RIT2: variants seen among roughly 807,000 people sequenced by gnomAD.
The protein encoded by RIT2 is GTP-binding protein Rit2.
In RIT2, 24 loss-of-function variants were observed where a neutral mutation model predicts 23.7. The observed-to-expected ratio is 1.01, with a 90% CI of 0.73 to 1.43. The LOEUF is 1.43. Ranked by LOEUF, RIT2 falls within the 40% of genes most tolerant of loss-of-function variation. RIT2 has a pLI of 0.00. For missense variants in RIT2, 236 were observed against 266.9 expected (o/e 0.88, Z 0.81); for synonymous variants, 107 against 91.1 (o/e 1.17, Z -0.99).
intron 4 of RIT2, among the ~76,000 whole-genome samples, chr18:42,837,153 CTTTT>C (rs570701535): frequency 2.3e-4 from 12 of 51,702 alleles, no homozygotes; most frequent in Admixed American, 7.3e-4. Context: ...TTTTCTTTTT[CTTTT>C]TTTTTTTTTT....
At position 42,774,471 on chromosome 18, in the gene RIT2, C is replaced by T. The variant is rs148650599; in HGVS notation, c.427-30751G>A. Among the ~76,000 whole-genome samples the T allele has an allele frequency of 2.6e-5, 4 of 152,036 alleles. No individual in the cohort carries two copies. In the East Asian group the frequency reaches 5.8e-4, roughly 22 times the overall value. On this transcript the variant is annotated intron_variant, in intron 4 of 4. Transcript: ENST00000326695. The stretch of plus-strand genomic sequence containing the variant: ...CTGTATCAGTGTATCTATGAAAGAC[C>T]TGTCCTCAGATAAAAAAAAAGAAAA...
intron 1 of RIT2, among the ~76,000 whole-genome samples, chr18:43,049,972 CTTTTTTTTTTTTTTT>C (rs755291383): frequency 6.1e-5 from 4 of 66,008 alleles, no homozygotes; most frequent in Admixed American, 2.3e-4. Context: ...AAGGGATTTC[CTTTTTTTTTTTTTTT>C]TTTTTTTTTT....
chr18:42,986,741 A>T (rs1809471628), intron 2 of RIT2, among the ~76,000 whole-genome samples: 1 of 151,740 alleles, frequency 6.6e-6, no homozygotes, highest in African/African-American at 2.4e-5. Flanking sequence ...GCCTCAAGTG[A>T]TCTGCCTGAC....
intron 4 of RIT2, among the ~76,000 whole-genome samples, chr18:42,831,767 A>G (rs1906464806): frequency 6.6e-6 from 1 of 152,210 alleles, no homozygotes; most frequent in African/African-American, 2.4e-5. Flanking sequence ...TGGATGTTCA[A>G]GTAAGATGAC....
intron 1 of RIT2, among the ~76,000 whole-genome samples, chr18:43,073,418 C>G (rs963266118): frequency 6.6e-6 from 1 of 152,108 alleles, no homozygotes; most frequent in African/African-American, 2.4e-5. Context: ...TATTTTGTTC[C>G]TTTGGATGTA....
intron 2 of RIT2, among the ~76,000 whole-genome samples, chr18:43,001,890 G>T (rs963099919): frequency 6.6e-6 from 1 of 152,092 alleles, no homozygotes; most frequent in East Asian, 2.0e-4. Context: ...AGCTGGAGTA[G>T]ATGTGTGTGC....
intron 4 of RIT2, among the ~76,000 whole-genome samples, chr18:42,762,213 C>A (rs1567990037): frequency 6.6e-6 from 1 of 152,064 alleles, no homozygotes; most frequent in Non-Finnish European, 1.5e-5. Context: ...TCCTTCTGTA[C>A]AATAACTCTT....
chr18:43,023,583 G>A (rs888327995), intron 2 of RIT2, among the ~76,000 whole-genome samples: 1 of 152,008 alleles, frequency 6.6e-6, no homozygotes, highest in Non-Finnish European at 1.5e-5. Context: ...TTTTATAGAT[G>A]AGGAAAGACC....
intron 4 of RIT2, among the ~76,000 whole-genome samples, chr18:42,861,686 G>T (rs1001496599): frequency 4.6e-5 from 7 of 152,118 alleles, no homozygotes; most frequent in African/African-American, 1.7e-4. Flanking sequence ...TTGGGTTGGG[G>T]TCACCCATTT....
At chr18:42,865,807 T>C (rs1907454346) in intron 4 of RIT2, among the ~76,000 whole-genome samples, 1 of 152,140 alleles carries the variant, frequency 6.6e-6, no homozygotes, top group Non-Finnish European at 1.5e-5. Flanking sequence ...AACTACAATA[T>C]ACTCTGCATA....
At chr18:42,885,656 T>C (rs576017109) in intron 4 of RIT2, among the ~76,000 whole-genome samples, 99 of 152,274 alleles carry the variant, frequency 6.5e-4, no homozygotes, top group African/African-American at 2.2e-3. Context: ...TTCATGGATC[T>C]TTACTATTAG....
At chr18:42,945,456 C>T (rs1180149173) in intron 3 of RIT2, among the ~76,000 whole-genome samples, 1 of 151,912 alleles carries the variant, frequency 6.6e-6, no homozygotes, top group Admixed American at 6.6e-5. Context: ...CATAGACTGG[C>T]AAAGATCCAT....
intron 4 of RIT2, 108 bp downstream of exon 4, chr18:42,923,464 T>C: frequency 1.1e-6 from 1 of 914,788 alleles, no homozygotes; most frequent in Non-Finnish European, 1.7e-6. Flanking sequence ...ATCATGTGCA[T>C]AATTTCTTTC....
intron 1 of RIT2, among the ~76,000 whole-genome samples, chr18:43,099,330 AT>A (rs1471858038): frequency 7.9e-5 from 12 of 151,920 alleles, no homozygotes; most frequent in African/African-American, 2.9e-4. Flanking sequence ...ATAATGATCT[AT>A]AAGCAAGTTT....
At chr18:43,009,401 T>C (rs1207083514) in intron 2 of RIT2, among the ~76,000 whole-genome samples, 1 of 151,710 alleles carries the variant, frequency 6.6e-6, no homozygotes, top group Non-Finnish European at 1.5e-5. Context: ...GATTTTCTTC[T>C]GCACTCTCAG....
intron 2 of RIT2, among the ~76,000 whole-genome samples, chr18:42,977,137 T>C (rs919773058): frequency 6.6e-6 from 1 of 152,074 alleles, no homozygotes; most frequent in Non-Finnish European, 1.5e-5. Context: ...AACAGTTATC[T>C]GGGCCTGAAG....
chr18:42,756,229 C>G (rs1013716336), intron 4 of RIT2, among the ~76,000 whole-genome samples: 1 of 152,142 alleles, frequency 6.6e-6, no homozygotes, highest in African/African-American at 2.4e-5. Flanking sequence ...TCTTGAGCGC[C>G]TACTCTGGAA....
At chr18:42,951,826 G>T (rs1300040988) in intron 3 of RIT2, among the ~76,000 whole-genome samples, 1 of 152,072 alleles carries the variant, frequency 6.6e-6, no homozygotes, top group Admixed American at 6.6e-5. Flanking sequence ...GTATTAGTCT[G>T]TTCTCATGCT....
intron 3 of RIT2, among the ~76,000 whole-genome samples, chr18:42,939,233 G>C (rs774532502): frequency 1.6e-4 from 24 of 152,070 alleles, no homozygotes; most frequent in Non-Finnish European, 3.2e-4. Flanking sequence ...ATACTGCCTG[G>C]GTTTGAAATC....
Sources: gnomAD v4.1 joint callset for allele counts (sites outside exome capture counted in the v4.1 genomes callset) on GRCh38, gnomAD v4.1.1 for gene constraint, MANE v1.5 for transcripts, NCBI Gene and HGNC (gene_info 2026-07-23, HGNC 2026-07-21) for gene names.